The following KIR3DL2 variants were observed in gnomAD, a reference collection of about 807,000 sequenced individuals.
KIR3DL2 encodes killer cell immunoglobulin-like receptor 3DL2.
KIR3DL2 carries 42 observed loss-of-function variants against 41.6 expected under a neutral mutation model. The observed-to-expected ratio is 1.01, with a 90% confidence interval of 0.79 to 1.31. The LOEUF (loss-of-function observed/expected upper bound fraction) is 1.31. Ranked by LOEUF, KIR3DL2 falls within the 50% of genes most tolerant of loss-of-function variation. The pLI, the probability that KIR3DL2 is intolerant of heterozygous loss-of-function variation, is 0.00. For synonymous variants in KIR3DL2, 230 were observed against 221.3 expected (o/e 1.04, Z -0.35); for missense variants, 728 against 576.8 (o/e 1.26, Z -2.68).
intron 4 of KIR3DL2, among the ~76,000 whole-genome samples, chr19:54,854,478 T>C (rs1191227854): frequency 2.0e-5 from 3 of 151,796 alleles, no homozygotes; most frequent in Non-Finnish European, 2.9e-5. Context: ...TTGTGGCATC[T>C]ACAGATGCCA....
chr19:54,854,089 G>A (rs768833234), intron 4 of KIR3DL2, 43 bp downstream of exon 4: 6 of 1,605,578 alleles, frequency 3.7e-6, no homozygotes, highest in East Asian at 2.2e-5. Flanking sequence ...TTGGGACACA[G>A]AGTGAATGAT....
rs201687607 is a variant in KIR3DL2, at chr19:54,855,859, C to A, written c.896C>A (p.Ala299Asp). 0.013 allele frequency: 20,326 copies of A among 1,613,140 alleles called. 258 individuals carry two copies. The highest frequency in any genetic ancestry group is 0.015 in the Non-Finnish European group (18,038 of 1,179,726). ...TACAGATGCTTCGGCTCTTTCCGTG[C>A]CCTGCCCTGCGTGTGGTCAAACTCA... ...GTYRCFGSFR[A>D]LPCVWSNSSD... The change falls in exon 5 of 9, where the codon GCC (alanine) becomes GAC (aspartate). Residue 299 changes from alanine to aspartate, a missense_variant. Coordinates refer to ENST00000326321, the MANE Select transcript of KIR3DL2 (RefSeq NM_006737.4).
intron 7 of KIR3DL2, 79 bp from the exon 8 acceptor site, chr19:54,866,291 C>A (rs1464525807): frequency 4.1e-6 from 6 of 1,466,992 alleles, no homozygotes; most frequent in Non-Finnish European, 4.7e-6. Flanking sequence ...CAGCCTCCCC[C>A]TGTGGGTTGG....
At position 54,865,765 on chromosome 19, in the gene KIR3DL2, G is replaced by T. The variant is rs200958705; in HGVS notation, c.1001-40G>T. The T allele has an allele frequency of 3.5e-5, 53 of 1,506,442 alleles. No individual in the cohort carries two copies. The Middle Eastern group carries it at 1.7e-3, about 48-fold the overall frequency. 93.3% of individuals were successfully genotyped at this position (1,506,442 alleles called of 1,614,324 possible). ...ATGAGACAATCCATAAAGAGGAACTGCTATGATTAGCTTCTTATTGGATTC... is the reference window on the plus strand; with the variant it reads ...ATGAGACAATCCATAAAGAGGAACTTCTATGATTAGCTTCTTATTGGATTC... On this transcript the variant is annotated intron_variant, in intron 6 of 8. Transcript: ENST00000326321.
intron 3 of KIR3DL2, 54 bp from the exon 4 acceptor site, chr19:54,853,693 A>C: frequency 6.3e-7 from 1 of 1,577,174 alleles, no homozygotes; most frequent in Non-Finnish European, 8.7e-7. Flanking sequence ...TCCAGGTGCC[A>C]TGGATGGGAT....
chr19:54,860,287 G>A (rs1401064750), intron 6 of KIR3DL2, among the ~76,000 whole-genome samples: 3 of 152,218 alleles, frequency 2.0e-5, no homozygotes, highest in Non-Finnish European at 4.4e-5. Flanking sequence ...TTAAATGGGA[G>A]GGCAGAAAAT....
Position 54,855,841 on chromosome 19 carries a change from G to A in KIR3DL2, c.878G>A (p.Cys293Tyr), listed in dbSNP as rs2064719531. 5 of 1,613,606 alleles carry A rather than the reference G, an allele frequency of 3.1e-6. No individual in the cohort carries two copies. The highest frequency in any genetic ancestry group is 4.2e-6 in the Non-Finnish European group (5 of 1,179,964). Residue 293 changes from cysteine (C) to tyrosine (Y), a missense_variant, in exon 5 of 9, where the codon TGC becomes TAC. Transcript: ENST00000326321. ...GPATHGGTYR[C>Y]FGSFRALPCV... is the part of the protein sequence containing the mutation. ...GCCACCCACGGAGGGACCTACAGAT[G>A]CTTCGGCTCTTTCCGTGCCCTGCCC...
chr19:54,851,002 G>T (rs1478593460), intron 1 of KIR3DL2, among the ~76,000 whole-genome samples: 2 of 151,352 alleles, frequency 1.3e-5, no homozygotes, highest in Non-Finnish European at 2.9e-5. Flanking sequence ...GGAGATATGG[G>T]CCTGGAGTGG....
At chr19:54,853,500 C>G (rs2064468292) in intron 3 of KIR3DL2, among the ~76,000 whole-genome samples, 1 of 151,686 alleles carries the variant, frequency 6.6e-6, no homozygotes. Context: ...GATACAACAG[C>G]CCAAGAGATG....
chr19:54,855,037 A>G (rs2064623336), intron 4 of KIR3DL2, among the ~76,000 whole-genome samples: 1 of 59,728 alleles, frequency 1.7e-5, no homozygotes, highest in African/African-American at 1.0e-4. Flanking sequence ...TAGATGATAC[A>G]TAGAGATGAT....
chr19:54,852,679 T>C (rs376192162), intron 3 of KIR3DL2, among the ~76,000 whole-genome samples: 11 of 151,006 alleles, frequency 7.3e-5, no homozygotes, highest in Middle Eastern at 3.4e-3. Context: ...TATCAGCCAC[T>C]GTGGGCTTTG....
In KIR3DL2 at chr19:54,851,363, AC is replaced by A; in HGVS notation, c.70+111del. 5 of 1,206,030 alleles carry A rather than the reference AC, an allele frequency of 4.1e-6. No homozygotes were observed. In the Admixed American group the frequency reaches 9.8e-5, roughly 24 times the overall value. 74.7% of individuals were successfully genotyped at this position (1,206,030 alleles called of 1,614,324 possible). A position where few individuals can be genotyped will look rare whatever the true frequency, so the allele number is the denominator to read the frequency against. On this transcript the variant is annotated intron_variant, in intron 2 of 8. Coordinates refer to ENST00000326321, the MANE Select transcript of KIR3DL2 (RefSeq NM_006737.4). The stretch of plus-strand genomic sequence containing the variant: ...GTCTCTCATAAACTAGGAAGAGGGG[AC>A]CCTTGGATACTCGGCCCACATTTCT...
Position 54,852,254 on chromosome 19 carries a change from CA to C in KIR3DL2, c.328del (p.Ser110AlafsTer5). On this transcript the variant is annotated frameshift_variant, in exon 3 of 9. Transcript: ENST00000326321. LOFTEE classifies it high-confidence loss of function. ...ACTCCCTCACTGGGTGGTCGGCACC[CA>C]GCAACCCCCTGGTGATCATGGTCAC... ...PHSLTGWSAP[S>X]NPLVIMVTGN... The C allele has an allele frequency of 6.2e-7, 1 of 1,609,532 alleles. No individual in the cohort carries two copies. The highest frequency in any genetic ancestry group is 8.5e-7 in the Non-Finnish European group (1 of 1,177,790).
Position 54,851,130 on chromosome 19 carries a change from C to G in KIR3DL2, c.35-90C>G, listed in dbSNP as rs1218934404. ...AAGTTTACCTTCAGCCCAGCAAGGG[C>G]CTGGCTGCCAAGACACACAGTGCAG... On this transcript the variant is annotated intron_variant, in intron 1 of 8. Coordinates refer to ENST00000326321, the MANE Select transcript of KIR3DL2 (RefSeq NM_006737.4). The G allele has an allele frequency of 5.9e-5, 89 of 1,516,458 alleles. No homozygotes were observed. The Admixed American group carries it at 1.5e-3, about 25-fold the overall frequency. 93.9% of individuals were successfully genotyped at this position (1,516,458 alleles called of 1,614,324 possible). A position where few individuals can be genotyped will look rare whatever the true frequency, so the allele number is the denominator to read the frequency against.
At chr19:54,862,165 G>A (rs576348140) in intron 6 of KIR3DL2, among the ~76,000 whole-genome samples, 22 of 152,196 alleles carry the variant, frequency 1.4e-4, no homozygotes, top group African/African-American at 5.3e-4. Flanking sequence ...TGTGTCTCGC[G>A]AGATCACAAA....
chr19:54,863,804 GT>G (rs2065334650), intron 6 of KIR3DL2, among the ~76,000 whole-genome samples: 1 of 151,942 alleles, frequency 6.6e-6, no homozygotes, highest in Non-Finnish European at 1.5e-5. Flanking sequence ...CATTTTGTAG[GT>G]TGTCTGTTCA....
At chr19:54,864,578 T>C in intron 6 of KIR3DL2, among the ~76,000 whole-genome samples, 1 of 152,174 alleles carries the variant, frequency 6.6e-6, no homozygotes, top group Non-Finnish European at 1.5e-5. Context: ...TTCATATCCC[T>C]TGTAAGTTGG....
intron 5 of KIR3DL2, 109 bp downstream of exon 5, chr19:54,856,021 G>C: frequency 2.9e-6 from 4 of 1,363,826 alleles, no homozygotes; most frequent in South Asian, 1.3e-5. Flanking sequence ...AGAACACGAA[G>C]ACTGGGTGTG....
In KIR3DL2 at chr19:54,855,746, C is replaced by T. The variant is rs201872374; in HGVS notation, c.783C>T (p.Ala261=). 1.2e-6 allele frequency: 2 copies of T among 1,613,350 alleles called. No homozygotes were observed. The highest frequency in any genetic ancestry group is 1.7e-6 in the Non-Finnish European group (2 of 1,179,938). ...ACCATCTGTCCAGGGAAGGGGAGGC[C>T]CATGAACGTAGGCTCCGTGCAGTGC... ...DIYHLSREGE[A]HERRLRAVPK... Residue 261 remains alanine (A), a synonymous_variant, in exon 5 of 9, where the codon GCC becomes GCT. Transcript: ENST00000326321.
Sources: gnomAD v4.1 joint callset for allele counts (sites outside exome capture counted in the v4.1 genomes callset) on GRCh38, gnomAD v4.1.1 for gene constraint, MANE v1.5 for transcripts, NCBI Gene and HGNC (gene_info 2026-07-23, HGNC 2026-07-21) for gene names.